The following ADGRL4 variants were observed in gnomAD, a reference collection of about 807,000 sequenced individuals.
The protein encoded by ADGRL4 is EGF, latrophilin and seven transmembrane domain containing 1.
A neutral mutation model predicts 74.8 loss-of-function variants in ADGRL4; 90 were observed. The ratio of observed to expected loss-of-function variants is 1.20; its 90% confidence interval spans 1.02 to 1.43. The LOEUF is 1.43. ADGRL4 is among the 40% of genes most tolerant of loss of function. The probability of loss-of-function intolerance (pLI) is 0.00; values close to 1 mark genes in which losing one functional copy is unlikely to be tolerated. For missense variants in ADGRL4, 881 were observed against 814.3 expected (o/e 1.08, Z -1.00); for synonymous variants, 311 against 279.2 (o/e 1.11, Z -1.14).
intron 2 of ADGRL4, among the ~76,000 whole-genome samples, chr1:78,966,443 C>T (rs547162800): frequency 3.9e-5 from 6 of 152,284 alleles, no homozygotes; most frequent in East Asian, 1.9e-4. Context: ...ACAGCTTTGG[C>T]GCCCAACGTG....
At chr1:78,962,492 T>A (rs1423056049) in intron 2 of ADGRL4, among the ~76,000 whole-genome samples, 3 of 152,116 alleles carry the variant, frequency 2.0e-5, no homozygotes, top group Admixed American at 2.0e-4. Context: ...TCCACACGAT[T>A]TCCCCCTTCC....
chr1:78,971,127 G>A (rs1260609723), intron 2 of ADGRL4, among the ~76,000 whole-genome samples: 2 of 152,084 alleles, frequency 1.3e-5, no homozygotes, highest in Non-Finnish European at 2.9e-5. Context: ...TTGGAAAATG[G>A]CCCCTTCTGC....
At chr1:78,947,658 T>C (rs1649631419) in intron 2 of ADGRL4, among the ~76,000 whole-genome samples, 1 of 152,028 alleles carries the variant, frequency 6.6e-6, no homozygotes, top group South Asian at 2.1e-4. Flanking sequence ...GATAGGTAAG[T>C]ATCAGTTAGA....
chr1:78,950,738 C>G (rs116221429), intron 2 of ADGRL4, among the ~76,000 whole-genome samples: 1,776 of 152,084 alleles, frequency 0.012, 32 homozygotes, highest in African/African-American at 0.04. Flanking sequence ...CTTAAAATAT[C>G]AGTGGGGCTT....
intron 12 of ADGRL4, 93 bp downstream of exon 12, chr1:78,917,541 T>C (rs1648902551): frequency 4.2e-6 from 3 of 715,558 alleles, no homozygotes; most frequent in Admixed American, 3.4e-5. Flanking sequence ...TTCAAATTCT[T>C]CTTTTTTAGA....
At chr1:78,936,870 G>A (rs948761139) in intron 6 of ADGRL4, among the ~76,000 whole-genome samples, 3 of 152,094 alleles carry the variant, frequency 2.0e-5, no homozygotes, top group African/African-American at 7.2e-5. Context: ...CATAATGCTT[G>A]AAACTTTGAT....
chr1:78,915,116 T>G (rs1648844520), intron 12 of ADGRL4, among the ~76,000 whole-genome samples: 1 of 151,948 alleles, frequency 6.6e-6, no homozygotes, highest in Non-Finnish European at 1.5e-5. Flanking sequence ...CCGACTTATC[T>G]TTGCGTATAG....
intron 2 of ADGRL4, among the ~76,000 whole-genome samples, chr1:78,968,183 A>C (rs1257522720): frequency 1.3e-5 from 2 of 152,056 alleles, no homozygotes; most frequent in Non-Finnish European, 2.9e-5. Flanking sequence ...TTATGATGTC[A>C]CTGTAAGCTA....
At chr1:78,970,625 G>A (rs778234360) in intron 2 of ADGRL4, among the ~76,000 whole-genome samples, 1 of 152,150 alleles carries the variant, frequency 6.6e-6, no homozygotes, top group Non-Finnish European at 1.5e-5. Flanking sequence ...GGAAGAGAAG[G>A]AAACAAGGGA....
intron 2 of ADGRL4, among the ~76,000 whole-genome samples, chr1:78,978,752 T>C (rs1489759945): frequency 6.6e-6 from 1 of 151,964 alleles, no homozygotes; most frequent in African/African-American, 2.4e-5. Flanking sequence ...ATTAGTTCTC[T>C]TTCACCAGTT....
chr1:78,909,305 T>A (rs1400421295), intron 12 of ADGRL4, among the ~76,000 whole-genome samples: 1 of 151,954 alleles, frequency 6.6e-6, no homozygotes, highest in Admixed American at 6.6e-5. Flanking sequence ...TTGTATGCTA[T>A]TTATAGAGGA....
intron 2 of ADGRL4, among the ~76,000 whole-genome samples, chr1:78,960,804 G>C (rs11810042): frequency 1.3e-5 from 2 of 152,054 alleles, no homozygotes; most frequent in Non-Finnish European, 2.9e-5. Context: ...CAGCAAGAAG[G>C]CACCAAAAAG....
intron 2 of ADGRL4, among the ~76,000 whole-genome samples, chr1:78,987,834 G>T (rs1650529030): frequency 6.6e-6 from 1 of 151,634 alleles, no homozygotes; most frequent in Non-Finnish European, 1.5e-5. Context: ...TTTAGAAATA[G>T]TATGAGACAT....
intron 2 of ADGRL4, among the ~76,000 whole-genome samples, chr1:78,963,164 C>T (rs1267322125): frequency 6.6e-6 from 1 of 152,142 alleles, no homozygotes; most frequent in Non-Finnish European, 1.5e-5. Flanking sequence ...AGTAAGCTTT[C>T]TTGATTTCAC....
chr1:78,948,100 A>T (rs984262063), intron 2 of ADGRL4, among the ~76,000 whole-genome samples: 13 of 152,130 alleles, frequency 8.5e-5, no homozygotes, highest in African/African-American at 3.1e-4. Context: ...GTGGCATCAG[A>T]TAGCTTTTTA....
At chr1:78,905,073 G>C (rs1648607707) in intron 12 of ADGRL4, among the ~76,000 whole-genome samples, 2 of 151,970 alleles carry the variant, frequency 1.3e-5, no homozygotes, top group Admixed American at 6.6e-5. Context: ...ACTTATATTT[G>C]TCTGTCTTTA....
In ADGRL4 at chr1:78,932,627, A is replaced by AAAAC. The variant is rs142248200; in HGVS notation, c.877+3667_877+3668insGTTT. 1.0e-4 allele frequency among the ~76,000 whole-genome samples: 14 copies of AAAAC among 138,664 alleles called. 1 individual carries two copies. The highest frequency in any genetic ancestry group is 1.8e-4 in the Non-Finnish European group (12 of 65,304). The allele number at this position is 138,664 out of a possible 152,430, so 91.0% of individuals were successfully genotyped here. A position where few individuals can be genotyped will look rare whatever the true frequency, so the allele number is the denominator to read the frequency against. ...AAAAACCCCTCCAAAAAAAAAAAAA[A>AAAAC]CAATGAATCCAGAAGCTGGTTAAAA... On this transcript the variant is annotated intron_variant, in intron 7 of 14. Transcript: ENST00000370742.
intron 3 of ADGRL4, among the ~76,000 whole-genome samples, chr1:78,945,164 C>CAAAAAAA (rs57419194): frequency 1.4e-4 from 16 of 116,540 alleles, no homozygotes; most frequent in African/African-American, 4.9e-4. Flanking sequence ...GACTCTGTCT[C>CAAAAAAA]AAAAAAAAAA....
At chr1:78,984,294 C>T (rs974559500) in intron 2 of ADGRL4, among the ~76,000 whole-genome samples, 2 of 151,532 alleles carry the variant, frequency 1.3e-5, no homozygotes, top group East Asian at 3.9e-4. Context: ...GAGATTGGTG[C>T]TAAAATATTA....
Sources: gnomAD v4.1 joint callset for allele counts (sites outside exome capture counted in the v4.1 genomes callset) on GRCh38, gnomAD v4.1.1 for gene constraint, MANE v1.5 for transcripts, NCBI Gene and HGNC (gene_info 2026-07-23, HGNC 2026-07-21) for gene names.